Variants in SEMA6D observed in about 807,000 individuals in gnomAD.
The protein encoded by SEMA6D is semaphorin-6D.
A neutral mutation model predicts 106.6 loss-of-function variants in SEMA6D; 35 were observed. The ratio of observed to expected loss-of-function variants is 0.33; its 90% confidence interval spans 0.25 to 0.44. The LOEUF (loss-of-function observed/expected upper bound fraction) is 0.44, where lower values mean the gene tolerates loss of function less well. Among genes scored for constraint, SEMA6D ranks in the 20% least tolerant of loss-of-function variants. The probability of loss-of-function intolerance (pLI) is 1.00; values close to 1 mark genes in which losing one functional copy is unlikely to be tolerated. For synonymous variants in SEMA6D, 499 were observed against 487.7 expected (o/e 1.02, Z -0.31); for missense variants, 1,185 against 1,345.9 (o/e 0.88, Z 1.87).
At chr15:47,201,396 G>T (rs544128487) in intron 1 of SEMA6D, among the ~76,000 whole-genome samples, 2 of 152,246 alleles carry the variant, frequency 1.3e-5, no homozygotes, top group South Asian at 4.1e-4. Flanking sequence ...GACAAGGAAA[G>T]AAATAGAAAT....
At position 47,302,218 on chromosome 15, in the gene SEMA6D, G is replaced by A. The variant is rs940233445; in HGVS notation, c.-238-110175G>A. ...ATTGACTTAATTCTTCCACTATTTCGTTCTTTTTAAGATCCTATAGTCGTT... is the reference window on the plus strand; with the variant it reads ...ATTGACTTAATTCTTCCACTATTTCATTCTTTTTAAGATCCTATAGTCGTT... On this transcript the variant is annotated intron_variant, in intron 1 of 19. Transcript: ENST00000558014. 4.6e-5 allele frequency among the ~76,000 whole-genome samples: 7 copies of A among 152,038 alleles called. No individual in the cohort carries two copies. In the South Asian group the frequency reaches 6.2e-4, roughly 13 times the overall value.
At chr15:47,373,193 G>A (rs2039336745) in intron 1 of SEMA6D, among the ~76,000 whole-genome samples, 8 of 152,124 alleles carry the variant, frequency 5.3e-5, no homozygotes, top group Admixed American at 3.9e-4. Context: ...TATCCAGGGT[G>A]GTCCTAAGGT....
chr15:47,544,696 G>C (rs1015657548), intron 3 of SEMA6D, among the ~76,000 whole-genome samples: 8 of 150,916 alleles, frequency 5.3e-5, no homozygotes, highest in African/African-American at 2.0e-4. Context: ...TGGAAATAGA[G>C]AGAAAAAGAA....
rs146678276 is a variant in SEMA6D, at chr15:47,428,331, G to A, written c.-159+15859G>A. Among the ~76,000 whole-genome samples, 3 of 152,256 alleles carry A rather than the reference G, an allele frequency of 2.0e-5. No individual in the cohort carries two copies. In the East Asian group the frequency reaches 5.8e-4, roughly 29 times the overall value. On this transcript the variant is annotated intron_variant, in intron 2 of 19. Coordinates refer to the SEMA6D transcript ENST00000558014. Reference sequence around the variant, plus strand: ...TGTAGGGCTAATATGAACACGTAGTGTAAATATACATCAATCAACTCCAGC... The same window carrying A: ...TGTAGGGCTAATATGAACACGTAGTATAAATATACATCAATCAACTCCAGC...
At chr15:47,611,137 A>G (rs1437524067) in intron 4 of SEMA6D, among the ~76,000 whole-genome samples, 2 of 143,852 alleles carry the variant, frequency 1.4e-5, no homozygotes, top group African/African-American at 2.7e-5. Context: ...ACCCACTGCC[A>G]CCGTCCTACA....
chr15:47,365,541 C>A (rs2038980038), intron 1 of SEMA6D, among the ~76,000 whole-genome samples: 2 of 152,068 alleles, frequency 1.3e-5, no homozygotes, highest in African/African-American at 4.8e-5. Context: ...CTGCTGATGC[C>A]TGAGCCATGT....
intron 1 of SEMA6D, among the ~76,000 whole-genome samples, chr15:47,247,145 T>A (rs1279040609): frequency 6.6e-6 from 1 of 152,178 alleles, no homozygotes; most frequent in African/African-American, 2.4e-5. Flanking sequence ...CTGAGAAGTG[T>A]GTATCATCTA....
chr15:47,341,573 G>T (rs1353350282), intron 1 of SEMA6D, among the ~76,000 whole-genome samples: 1 of 151,918 alleles, frequency 6.6e-6, no homozygotes, highest in African/African-American at 2.4e-5. Flanking sequence ...TATAATATAG[G>T]GATAATTATA....
chr15:47,515,050 T>G (rs1399277827), intron 3 of SEMA6D, among the ~76,000 whole-genome samples: 3 of 152,256 alleles, frequency 2.0e-5, no homozygotes, highest in African/African-American at 7.2e-5. Flanking sequence ...TGCATTCGCC[T>G]GGCAGCGTTC....
chr15:47,281,836 T>C (rs1234906813), intron 1 of SEMA6D, among the ~76,000 whole-genome samples: 1 of 152,166 alleles, frequency 6.6e-6, no homozygotes, highest in African/African-American at 2.4e-5. Context: ...CCCATTCTTA[T>C]TATTTTTCAT....
chr15:47,345,697 T>C (rs1357947796), intron 1 of SEMA6D, among the ~76,000 whole-genome samples: 1 of 152,134 alleles, frequency 6.6e-6, no homozygotes. Context: ...AAGGAACTAA[T>C]TGATAAAATA....
intron 1 of SEMA6D, among the ~76,000 whole-genome samples, chr15:47,743,288 G>T (rs529692442): frequency 6.6e-6 from 1 of 152,230 alleles, no homozygotes; most frequent in South Asian, 2.1e-4. Flanking sequence ...TTAATATGTT[G>T]GTGCGTGTAT....
intron 1 of SEMA6D, among the ~76,000 whole-genome samples, chr15:47,735,790 T>C (rs187486330): frequency 2.6e-4 from 40 of 152,268 alleles, no homozygotes; most frequent in African/African-American, 8.9e-4. Context: ...TCCGTAATGG[T>C]GAAAGCCCAC....
chr15:47,769,323 A>G (rs1308854089), intron 18 of SEMA6D, among the ~76,000 whole-genome samples: 1 of 152,212 alleles, frequency 6.6e-6, no homozygotes, highest in Non-Finnish European at 1.5e-5. Flanking sequence ...CTAGGAAAAA[A>G]AAATCTATTC....
At chr15:47,326,875 G>A (rs1487195819) in intron 1 of SEMA6D, among the ~76,000 whole-genome samples, 1 of 152,160 alleles carries the variant, frequency 6.6e-6, no homozygotes, top group African/African-American at 2.4e-5. Context: ...TAGGTCACTG[G>A]TGACTCCCTG....
Position 47,380,224 on chromosome 15 carries a change from A to T in SEMA6D, c.-238-32169A>T, listed in dbSNP as rs77790413. ...TTCTTTTAACTTCAAACCTATAAAC[A>T]TACACCCGATGACAAATTTTCAACA... On this transcript the variant is annotated intron_variant, in intron 1 of 19. Coordinates refer to the SEMA6D transcript ENST00000558014. 4.6e-5 allele frequency among the ~76,000 whole-genome samples: 7 copies of T among 152,330 alleles called. No individual in the cohort carries two copies. In the East Asian group the frequency reaches 7.7e-4, roughly 17 times the overall value.
intron 4 of SEMA6D, among the ~76,000 whole-genome samples, chr15:47,707,599 G>T (rs764052207): frequency 1.6e-4 from 25 of 152,126 alleles, no homozygotes; most frequent in Admixed American, 7.2e-4. Flanking sequence ...AAGGATGAAG[G>T]GTTTCTTGTG....
At chr15:47,674,607 C>T (rs1198428604) in intron 4 of SEMA6D, among the ~76,000 whole-genome samples, 3 of 152,138 alleles carry the variant, frequency 2.0e-5, no homozygotes, top group South Asian at 2.1e-4. Context: ...GAGGGTTCTG[C>T]GTATCACCAC....
At position 47,684,553 on chromosome 15, in the gene SEMA6D, T is replaced by C. The variant is rs181196307; in HGVS notation, c.-54-75192T>C. ...ATAATAGCAGGAAAGTATGAGTATT[T>C]AGTTCACTGTTGTGTTTCCTGGAGT... On this transcript the variant is annotated intron_variant, in intron 4 of 19. Coordinates refer to the SEMA6D transcript ENST00000558014. Among the ~76,000 whole-genome samples, 57 of 152,280 alleles carry C rather than the reference T, an allele frequency of 3.7e-4. 1 individual carries two copies. Among genetic ancestry groups the C allele is most frequent in the African/African-American group, 1.3e-3 (56 of 41,562 alleles).
Sources: gnomAD v4.1 joint callset for allele counts (sites outside exome capture counted in the v4.1 genomes callset) on GRCh38, gnomAD v4.1.1 for gene constraint, MANE v1.5 for transcripts, NCBI Gene and HGNC (gene_info 2026-07-23, HGNC 2026-07-21) for gene names.